KCNMB2: variants seen among roughly 807,000 people sequenced by gnomAD.
The protein encoded by KCNMB2 is potassium calcium-activated channel subfamily M regulatory beta subunit 2.
In KCNMB2, 9 loss-of-function variants were observed where a neutral mutation model predicts 24.5. That is an observed-to-expected ratio of 0.37 (90% CI 0.22 to 0.64). The LOEUF is 0.64. Among genes scored for constraint, KCNMB2 ranks in the 30% least tolerant of loss-of-function variants. KCNMB2 has a pLI of 0.63. For synonymous variants in KCNMB2, 109 were observed against 104.4 expected, an observed-to-expected ratio of 1.04 and a Z score of -0.27; for missense variants, 226 against 284.3, an observed-to-expected ratio of 0.79 and a Z score of 1.47.
At chr3:178,548,300 G>A (rs1715840368) in intron 1 of KCNMB2, among the ~76,000 whole-genome samples, 1 of 152,030 alleles carries the variant, frequency 6.6e-6, no homozygotes, top group Non-Finnish European at 1.5e-5. Context: ...TTCTGCCCTG[G>A]GTTTCTTCTG....
At chr3:178,624,194 T>TTAAA (rs1004399949) in intron 1 of KCNMB2, among the ~76,000 whole-genome samples, 47 of 151,570 alleles carry the variant, frequency 3.1e-4, no homozygotes, top group African/African-American at 4.6e-4. Context: ...CCTCAGAGAA[T>TTAAA]TAAATAAATA....
chr3:178,538,496 T>C (rs1715481647), intron 1 of KCNMB2, among the ~76,000 whole-genome samples: 1 of 152,214 alleles, frequency 6.6e-6, no homozygotes, highest in Non-Finnish European at 1.5e-5. Flanking sequence ...TTTTCATTAA[T>C]TTCATTAAGG....
chr3:178,754,177 T>TATATATATATAC (rs1435109631), intron 1 of KCNMB2, among the ~76,000 whole-genome samples: 8 of 117,224 alleles, frequency 6.8e-5, no homozygotes, highest in African/African-American at 3.0e-4. Flanking sequence ...TATATATATA[T>TATATATATATAC]ACACACACAC....
chr3:178,703,391 G>T (rs1722169930), intron 1 of KCNMB2, among the ~76,000 whole-genome samples: 1 of 151,978 alleles, frequency 6.6e-6, no homozygotes, highest in Non-Finnish European at 1.5e-5. Context: ...GCTAGATAAA[G>T]GGGAGAAAAA....
chr3:178,730,793 G>T (rs1238792769), intron 1 of KCNMB2, among the ~76,000 whole-genome samples: 1 of 151,956 alleles, frequency 6.6e-6, no homozygotes, highest in Non-Finnish European at 1.5e-5. Context: ...CCCCTGCCTG[G>T]AATGCTCTTT....
chr3:178,681,838 C>T (rs1220674642), intron 1 of KCNMB2, among the ~76,000 whole-genome samples: 1 of 152,134 alleles, frequency 6.6e-6, no homozygotes, highest in Non-Finnish European at 1.5e-5. Flanking sequence ...CAGTGGGAGT[C>T]CACTAAATGT....
At chr3:178,612,925 A>G (rs1173019387) in intron 1 of KCNMB2, among the ~76,000 whole-genome samples, 2 of 151,682 alleles carry the variant, frequency 1.3e-5, no homozygotes, top group African/African-American at 4.8e-5. Context: ...TTTTGGTTTG[A>G]GGTTACCATG....
chr3:178,727,067 T>C (rs941142847), intron 1 of KCNMB2, among the ~76,000 whole-genome samples: 1 of 152,108 alleles, frequency 6.6e-6, no homozygotes, highest in Non-Finnish European at 1.5e-5. Context: ...TTAGAATAAG[T>C]AAGCTAATAA....
chr3:178,602,687 G>A (rs1718127762), intron 1 of KCNMB2, among the ~76,000 whole-genome samples: 1 of 152,022 alleles, frequency 6.6e-6, no homozygotes, highest in Admixed American at 6.6e-5. Flanking sequence ...GGAGAGAGGA[G>A]GCAGGGTGAG....
chr3:178,822,406 T>G (rs186516728), intron 2 of KCNMB2, among the ~76,000 whole-genome samples: 1 of 152,294 alleles, frequency 6.6e-6, no homozygotes, highest in Non-Finnish European at 1.5e-5. Flanking sequence ...CCCATAACAC[T>G]CTGTGAATTG....
intron 1 of KCNMB2, among the ~76,000 whole-genome samples, chr3:178,770,651 CA>C (rs779789966): frequency 6.6e-6 from 1 of 151,736 alleles, no homozygotes; most frequent in Non-Finnish European, 1.5e-5. Flanking sequence ...CAGTTAAAAT[CA>C]AAAAAAATAT....
Position 178,661,960 on chromosome 3 carries a change from G to A in KCNMB2, c.-68+125249G>A, listed in dbSNP as rs9871785. ...CCATTTTACAGATGAGGAAACAAAA[G>A]CTCAGAGAAATTAGATGAATCAAGG... On this transcript the variant is annotated intron_variant, in intron 1 of 4. Transcript: ENST00000452583. Among the ~76,000 whole-genome samples, 980 of 152,154 alleles carry A rather than the reference G, an allele frequency of 6.4e-3. 9 individuals carry two copies. Among genetic ancestry groups the A allele is most frequent in the African/African-American group, 0.022 (917 of 41,502 alleles).
intron 2 of KCNMB2, among the ~76,000 whole-genome samples, chr3:178,823,206 A>T (rs944065624): frequency 6.6e-6 from 1 of 152,242 alleles, no homozygotes; most frequent in South Asian, 2.1e-4. Flanking sequence ...ATCTCAAAAA[A>T]GAATGAAGAA....
At chr3:178,771,138 C>T (rs1712332815) in intron 1 of KCNMB2, among the ~76,000 whole-genome samples, 1 of 152,180 alleles carries the variant, frequency 6.6e-6, no homozygotes, top group Non-Finnish European at 1.5e-5. Context: ...CTTTTGCTCA[C>T]ACACTCTACA....
At position 178,553,061 on chromosome 3, in the gene KCNMB2, C is replaced by T. The variant is rs371853847; in HGVS notation, c.-68+16350C>T. ...GTCACTGCTTGTCAACATGCTTCCTCTGCAGTGATATTGCATTCATTCATA... is the reference window on the plus strand; with the variant it reads ...GTCACTGCTTGTCAACATGCTTCCTTTGCAGTGATATTGCATTCATTCATA... On this transcript the variant is annotated intron_variant, in intron 1 of 4. Coordinates refer to ENST00000452583, the MANE Select transcript of KCNMB2 (RefSeq NM_181361.3). 5.3e-5 allele frequency among the ~76,000 whole-genome samples: 8 copies of T among 152,324 alleles called. No individual in the cohort carries two copies. In the South Asian group the frequency reaches 1.7e-3, roughly 32 times the overall value.
intron 1 of KCNMB2, among the ~76,000 whole-genome samples, chr3:178,686,137 A>G (rs1376427919): frequency 6.6e-6 from 1 of 152,186 alleles, no homozygotes; most frequent in Admixed American, 6.5e-5. Flanking sequence ...GATGAGAAAT[A>G]TGTTTTTCTC....
intron 1 of KCNMB2, among the ~76,000 whole-genome samples, chr3:178,587,283 A>C (rs1234771490): frequency 6.6e-6 from 1 of 152,088 alleles, no homozygotes; most frequent in Non-Finnish European, 1.5e-5. Context: ...ATCCCTAATA[A>C]ATTTTCCAGC....
At chr3:178,763,581 G>A (rs1711998444) in intron 1 of KCNMB2, among the ~76,000 whole-genome samples, 1 of 152,150 alleles carries the variant, frequency 6.6e-6, no homozygotes, top group South Asian at 2.1e-4. Context: ...GAATGCTGTT[G>A]ACCAGGAGTA....
At chr3:178,639,408 C>T (rs1177719997) in intron 1 of KCNMB2, among the ~76,000 whole-genome samples, 6 of 152,108 alleles carry the variant, frequency 3.9e-5, no homozygotes, top group Non-Finnish European at 8.8e-5. Context: ...CTGTACTGTC[C>T]ATTGGCTGTG....
Sources: allele counts gnomAD v4.1 joint callset (sites outside exome capture counted in the v4.1 genomes callset), GRCh38; gene constraint gnomAD v4.1.1; transcripts MANE v1.5; gene names NCBI Gene and HGNC (gene_info 2026-07-23, HGNC 2026-07-21).